The following UHRF2 variants were observed in gnomAD, a reference collection of about 807,000 sequenced individuals.
UHRF2 encodes ubiquitin like with PHD and ring finger domains 2.
Under a neutral mutation model 96.8 loss-of-function variants are expected in UHRF2, and 23 were observed. The observed-to-expected ratio is 0.24, with a 90% CI of 0.17 to 0.34. The LOEUF is 0.34. Ranked by LOEUF, UHRF2 falls within the 10% of genes least tolerant of loss-of-function variation. UHRF2 has a pLI of 1.00. For missense variants in UHRF2, 685 were observed against 981.5 expected, an observed-to-expected ratio of 0.70 and a Z score of 4.04; for synonymous variants, 385 against 332.6, an observed-to-expected ratio of 1.16 and a Z score of -1.72.
chr9:6,479,345 C>T (rs1823784983), intron 6 of UHRF2, among the ~76,000 whole-genome samples: 1 of 152,100 alleles, frequency 6.6e-6, no homozygotes, highest in Admixed American at 6.6e-5. Flanking sequence ...TAGCTGGTTA[C>T]TCTGTTTTAT....
intron 3 of UHRF2, among the ~76,000 whole-genome samples, chr9:6,447,669 T>C (rs1168267072): frequency 6.6e-6 from 1 of 152,140 alleles, no homozygotes; most frequent in Non-Finnish European, 1.5e-5. Context: ...TAAACCATCC[T>C]AGAAGACAGT....
intron 6 of UHRF2, 133 bp downstream of exon 6, chr9:6,477,941 A>G (rs1823683967): frequency 1.0e-5 from 7 of 697,156 alleles, no homozygotes; most frequent in Non-Finnish European, 1.6e-5. Context: ...GTGGTTACTT[A>G]GCATTCATAG....
intron 8 of UHRF2, among the ~76,000 whole-genome samples, chr9:6,485,814 A>AAC: frequency 7.8e-6 from 1 of 128,486 alleles, no homozygotes; most frequent in African/African-American, 3.9e-5. Context: ...AAAAAAAAAA[A>AAC]AAAAAAAAAA....
chr9:6,454,507 A>G (rs1382841758), intron 3 of UHRF2, among the ~76,000 whole-genome samples: 1 of 152,166 alleles, frequency 6.6e-6, no homozygotes, highest in Non-Finnish European at 1.5e-5. Flanking sequence ...TCTCTTTCCT[A>G]TGTCAGAACT....
chr9:6,506,147 C>G lies in UHRF2; in HGVS notation c.2377C>G (p.Leu793Val), dbSNP rs1411152642. ...PNEILQTLLD[L>V]FFPGYSKGR is the part of the protein sequence containing the mutation. ...TGAGATTCTGCAGACTCTACTTGAC[C>G]TTTTCTTCCCTGGCTACAGCAAAGG... Residue 793 changes from leucine to valine, a missense_variant, in exon 16 of 16, where the codon CTT becomes GTT. Physicochemically the swap from Leu to Val is conservative, Grantham distance 32. Coordinates refer to ENST00000276893, the MANE Select transcript of UHRF2 (RefSeq NM_152896.3). 1.2e-6 allele frequency: 2 copies of G among 1,614,094 alleles called. No homozygotes were observed. The highest frequency in any genetic ancestry group is 1.7e-5 in the Admixed American group (1 of 60,012).
At chr9:6,423,019 A>G (rs1022380280) in intron 2 of UHRF2, 1 of 195,318 alleles carries the variant, frequency 5.1e-6, no homozygotes, top group East Asian at 1.2e-4. Flanking sequence ...TATCTTTGTA[A>G]CTTCCTAATT....
At chr9:6,453,709 C>G (rs1333407832) in intron 3 of UHRF2, among the ~76,000 whole-genome samples, 1 of 152,028 alleles carries the variant, frequency 6.6e-6, no homozygotes, top group East Asian at 1.9e-4. Context: ...TTGAGACCAT[C>G]CTGGCTAACA....
chr9:6,436,959 A>G (rs1276840177), intron 3 of UHRF2, among the ~76,000 whole-genome samples: 1 of 152,228 alleles, frequency 6.6e-6, no homozygotes, highest in Non-Finnish European at 1.5e-5. Flanking sequence ...TAACAGGTAA[A>G]TGTCACCTCT....
chr9:6,504,481 G>A lies in UHRF2; in HGVS notation c.2164-112G>A, dbSNP rs1468157732. On this transcript the variant is annotated intron_variant, in intron 14 of 15. Coordinates refer to ENST00000276893, the MANE Select transcript of UHRF2 (RefSeq NM_152896.3). ...ATCACTATAAACATCTTTTATGCTG[G>A]GAACATTTGAATTATTCTCTACTAG... 6 of 630,956 alleles carry A rather than the reference G, an allele frequency of 9.5e-6. No individual in the cohort carries two copies. In the Admixed American group the frequency reaches 1.5e-4, roughly 16 times the overall value. The allele number at this position is 630,956 out of a possible 1,614,324, so 39.1% of individuals were successfully genotyped here.
chr9:6,478,233 C>A (rs1386776234), intron 6 of UHRF2, among the ~76,000 whole-genome samples: 2 of 152,196 alleles, frequency 1.3e-5, no homozygotes, highest in South Asian at 2.1e-4. Context: ...AAGCCATGTT[C>A]TTTTTCAGGT....
chr9:6,496,637 T>C (rs1459975127), intron 10 of UHRF2: 1 of 152,246 alleles, frequency 6.6e-6, no homozygotes, highest in Non-Finnish European at 1.5e-5. Flanking sequence ...AATTTATCTT[T>C]TTATGGAGAC....
intron 2 of UHRF2, among the ~76,000 whole-genome samples, chr9:6,430,760 A>C (rs1224941439): frequency 2.0e-5 from 3 of 152,152 alleles, no homozygotes; most frequent in African/African-American, 7.2e-5. Flanking sequence ...CCCATGGAAA[A>C]CACAATAAAG....
At chr9:6,491,016 G>T (rs955281403) in intron 9 of UHRF2, among the ~76,000 whole-genome samples, 3 of 152,206 alleles carry the variant, frequency 2.0e-5, no homozygotes, top group African/African-American at 4.8e-5. Context: ...TCTTTGTTCT[G>T]TCTGGGTGAA....
intron 2 of UHRF2, among the ~76,000 whole-genome samples, chr9:6,423,556 C>T (rs1252342079): frequency 6.6e-6 from 1 of 151,592 alleles, no homozygotes; most frequent in Non-Finnish European, 1.5e-5. Context: ...CAATATAATT[C>T]ATTGTACTAA....
chr9:6,435,164 T>C (rs570232804), intron 3 of UHRF2, among the ~76,000 whole-genome samples: 9 of 152,212 alleles, frequency 5.9e-5, no homozygotes, highest in African/African-American at 1.9e-4. Context: ...TGGCTAATTT[T>C]TGTATTTTTA....
At chr9:6,448,046 T>C (rs933466779) in intron 3 of UHRF2, among the ~76,000 whole-genome samples, 20 of 152,156 alleles carry the variant, frequency 1.3e-4, no homozygotes, top group Non-Finnish European at 2.9e-4. Context: ...TAGGAGGTAA[T>C]GGAAGGAGAT....
At chr9:6,415,241 T>C (rs7044749) in intron 1 of UHRF2, 146,091 of 152,328 alleles carry the variant, frequency 0.96, 70,084 homozygotes, top group East Asian at 0.99. Flanking sequence ...TTCAGTAAAC[T>C]AGGAAGCTCA....
intron 4 of UHRF2, among the ~76,000 whole-genome samples, chr9:6,467,336 T>C (rs1822930797): frequency 1.3e-5 from 2 of 152,210 alleles, no homozygotes; most frequent in Non-Finnish European, 2.9e-5. Context: ...CCTTCCCCTG[T>C]GATTATATTG....
At chr9:6,462,511 A>G (rs1822606865) in intron 4 of UHRF2, among the ~76,000 whole-genome samples, 1 of 152,230 alleles carries the variant, frequency 6.6e-6, no homozygotes, top group South Asian at 2.1e-4. Flanking sequence ...GCCCCTAAAT[A>G]AACTGGCTAT....
Sources: gnomAD v4.1 joint callset for allele counts (sites outside exome capture counted in the v4.1 genomes callset) on GRCh38, gnomAD v4.1.1 for gene constraint, MANE v1.5 for transcripts, NCBI Gene and HGNC (gene_info 2026-07-23, HGNC 2026-07-21) for gene names.